PHF6: variants seen among roughly 807,000 people sequenced by gnomAD.
The protein encoded by PHF6 is PHD-like zinc finger protein.
A neutral mutation model predicts 34.0 loss-of-function variants in PHF6; 7 were observed. The ratio of observed to expected loss-of-function variants is 0.21; its 90% confidence interval spans 0.12 to 0.39. The LOEUF (loss-of-function observed/expected upper bound fraction) is 0.39, where lower values mean the gene tolerates loss of function less well. Among genes scored for constraint, PHF6 ranks in the 10% least tolerant of loss-of-function variants. The probability of loss-of-function intolerance (pLI) is 1.00; values close to 1 mark genes in which losing one functional copy is unlikely to be tolerated. For synonymous variants in PHF6, 89 were observed against 88.4 expected, an observed-to-expected ratio of 1.01 and a Z score of -0.04; for missense variants, 128 against 262.8, an observed-to-expected ratio of 0.49 and a Z score of 3.55.
At chrX:134,385,730 C>G (rs6638217) in intron 3 of PHF6, among the ~76,000 whole-genome samples, 51,497 of 110,215 alleles carry the variant, frequency 0.47, 9,640 homozygotes, top group African/African-American at 0.68. Context: ...GGAAAAATGA[C>G]GTTGGTTATT....
Position 134,425,779 on chromosome X carries a change from TC to T in PHF6, c.*121del, listed in dbSNP as rs1459117820. The T allele has an allele frequency of 5.3e-6, 1 of 190,111 alleles. No individual in the cohort carries two copies. The highest frequency in any genetic ancestry group is 2.9e-5 in the African/African-American group (1 of 33,968). 15.7% of individuals were successfully genotyped at this position (190,111 alleles called of 1,213,427 possible). A position where few individuals can be genotyped will look rare whatever the true frequency, so the allele number is the denominator to read the frequency against. On this transcript the variant is annotated 3_prime_UTR_variant, in exon 11 of 11. Transcript: ENST00000370803. Reference sequence around the variant, plus strand: ...AACTTTTTACTGCCCAACTCTTAGATCCTTCATTGAACTGCCTAAAAATGTC... The same window carrying T: ...AACTTTTTACTGCCCAACTCTTAGATCTTCATTGAACTGCCTAAAAATGTC...
chrX:134,393,822 G>C, intron 4 of PHF6, 87 bp from the exon 5 acceptor site: 1 of 883,508 alleles, frequency 1.1e-6, no homozygotes, highest in Non-Finnish European at 1.7e-6. Context: ...TAGTGAATTG[G>C]GTGAAGTGTA....
intron 5 of PHF6, among the ~76,000 whole-genome samples, chrX:134,394,840 C>A (rs1231187697): frequency 9.8e-6 from 1 of 102,500 alleles, no homozygotes; most frequent in East Asian, 3.1e-4. Context: ...CGCCCGGCCT[C>A]GTTTCTTTTC....
intron 1 of PHF6, among the ~76,000 whole-genome samples, chrX:134,373,808 T>G (rs962178311): frequency 1.0e-5 from 1 of 98,853 alleles, no homozygotes; most frequent in Admixed American, 1.1e-4. Context: ...TTGGGAAGAG[T>G]AAGAGGAAGA....
In PHF6 at chrX:134,393,481, A is replaced by G. The variant is rs372102828; in HGVS notation, c.241-20A>G. The stretch of plus-strand genomic sequence containing the variant: ...TAGAAAGTCACATACTAATAATATT[A>G]TTTTGTCGTTTTGCTGTAGATGTGT... On this transcript the variant is annotated intron_variant, in intron 3 of 10. Coordinates refer to ENST00000370803, the MANE Select transcript of PHF6 (RefSeq NM_001015877.2). The G allele has an allele frequency of 1.4e-5, 17 of 1,206,577 alleles. 1 individual carries two copies. The African/African-American group carries it at 2.6e-4, about 19-fold the overall frequency.
intron 5 of PHF6, among the ~76,000 whole-genome samples, chrX:134,399,652 T>TACACACAC (rs201158134): frequency 9.9e-6 from 1 of 101,233 alleles, no homozygotes; most frequent in African/African-American, 3.7e-5. Context: ...ACCCCTAACA[T>TACACACAC]ACACACACAC....
chrX:134,403,328 A>G (rs2077410266), intron 5 of PHF6, among the ~76,000 whole-genome samples: 1 of 112,049 alleles, frequency 8.9e-6, no homozygotes, highest in South Asian at 3.7e-4. Context: ...AGTAGTCTGG[A>G]TAGAAGATCA....
chrX:134,407,928 T>C (rs2077432392), intron 5 of PHF6, among the ~76,000 whole-genome samples: 1 of 111,384 alleles, frequency 9.0e-6, no homozygotes, highest in African/African-American at 3.3e-5. Context: ...AGGAAGATTT[T>C]CACTTTTTTT....
intron 8 of PHF6, among the ~76,000 whole-genome samples, chrX:134,415,992 C>G (rs999038289): frequency 9.1e-6 from 1 of 110,449 alleles, no homozygotes; most frequent in African/African-American, 3.3e-5. Flanking sequence ...CAGAGTCTCA[C>G]TCTGTCGCCC....
chrX:134,392,863 G>A (rs1212593731), intron 3 of PHF6, among the ~76,000 whole-genome samples: 3 of 108,957 alleles, frequency 2.8e-5, no homozygotes, highest in Admixed American at 9.8e-5. Context: ...GCAGTGGCAC[G>A]ATCTTGGCTC....
At chrX:134,409,969 T>C (rs1235231636) in intron 5 of PHF6, among the ~76,000 whole-genome samples, 1 of 111,575 alleles carries the variant, frequency 9.0e-6, no homozygotes, top group Non-Finnish European at 1.9e-5. Flanking sequence ...TCATTCTTTT[T>C]TATGGCTACA....
intron 5 of PHF6, among the ~76,000 whole-genome samples, chrX:134,403,020 C>T (rs1345926857): frequency 9.0e-6 from 1 of 111,711 alleles, no homozygotes; most frequent in Non-Finnish European, 1.9e-5. Flanking sequence ...TCCCTATTGT[C>T]TAAGACATAA....
intron 5 of PHF6, among the ~76,000 whole-genome samples, chrX:134,403,752 A>G (rs2077411927): frequency 8.9e-6 from 1 of 111,878 alleles, no homozygotes; most frequent in Non-Finnish European, 1.9e-5. Flanking sequence ...TTTTAAAACC[A>G]ATCCTCATTT....
Position 134,374,461 on chromosome X carries a change from T to G in PHF6, c.-47+994T>G, listed in dbSNP as rs181886766. On this transcript the variant is annotated intron_variant, in intron 1 of 10. Coordinates refer to ENST00000370803, the MANE Select transcript of PHF6 (RefSeq NM_001015877.2). ...GTGCCCTTCCGGTACATCTTATTCGTTTATTTCTGTCCACTGTAACTTTCC... is the reference window on the plus strand; with the variant it reads ...GTGCCCTTCCGGTACATCTTATTCGGTTATTTCTGTCCACTGTAACTTTCC... 1.2e-4 allele frequency among the ~76,000 whole-genome samples: 13 copies of G among 112,420 alleles called. No individual in the cohort carries two copies. In the East Asian group the frequency reaches 3.6e-3, roughly 32 times the overall value.
rs373721408 is a variant in PHF6 at position 134,417,105 on chromosome X, C to T, written c.835-64C>T. 7 of 1,146,022 alleles carry T rather than the reference C, an allele frequency of 6.1e-6. No individual in the cohort carries two copies. The South Asian group carries it at 7.4e-5, about 12-fold the overall frequency. The allele number at this position is 1,146,022 out of a possible 1,213,427, so 94.4% of individuals were successfully genotyped here. ...GTGATAATTTCAGTGTACTCTTTTTCAATAGAAAATAGCTGCTGTTTTCTT... is the reference window on the plus strand; with the variant it reads ...GTGATAATTTCAGTGTACTCTTTTTTAATAGAAAATAGCTGCTGTTTTCTT... On this transcript the variant is annotated intron_variant, in intron 8 of 10. Transcript: ENST00000370803.
At chrX:134,394,200 C>G (rs1269578278) in intron 5 of PHF6, among the ~76,000 whole-genome samples, 2 of 108,854 alleles carry the variant, frequency 1.8e-5, no homozygotes, top group Non-Finnish European at 3.8e-5. Context: ...GTGGTGTGAT[C>G]ACAGCTTACT....
At chrX:134,386,568 G>A (rs1366523245) in intron 3 of PHF6, among the ~76,000 whole-genome samples, 2 of 110,658 alleles carry the variant, frequency 1.8e-5, no homozygotes, top group Non-Finnish European at 3.8e-5. Flanking sequence ...ACGCCACCAC[G>A]CCCAGCTAAT....
chrX:134,413,582 T>A lies in PHF6; in HGVS notation c.510T>A (p.Thr170=), dbSNP rs1287980708. 8.3e-7 allele frequency: 1 copy of A among 1,211,068 alleles called. No individual in the cohort carries two copies. Among genetic ancestry groups the A allele is most frequent in the Admixed American group, 2.2e-5 (1 of 45,942 alleles). ...GTCGCAAAGGAAGGCCAAGAAAAAC[T>A]AATTTTAAAGGGCTGTCAGAAGATA... ...KKSRKGRPRK[T]NFKGLSEDTR... The change falls in exon 6 of 11, where the codon ACT becomes ACA. Residue 170 remains threonine (T), a synonymous_variant. Coordinates refer to ENST00000370803, the MANE Select transcript of PHF6 (RefSeq NM_001015877.2).
chrX:134,406,869 C>A (rs1197186871), intron 5 of PHF6, among the ~76,000 whole-genome samples: 1 of 111,892 alleles, frequency 8.9e-6, no homozygotes, highest in East Asian at 2.8e-4. Context: ...TTCCTGTCAC[C>A]CGTGCCCTTG....
Sources: gnomAD v4.1 joint callset for allele counts (sites outside exome capture counted in the v4.1 genomes callset) on GRCh38, gnomAD v4.1.1 for gene constraint, MANE v1.5 for transcripts, NCBI Gene and HGNC (gene_info 2026-07-23, HGNC 2026-07-21) for gene names.